CTNNA3: variants seen among roughly 807,000 people sequenced by gnomAD.
CTNNA3 encodes catenin alpha-3.
A neutral mutation model predicts 95.7 loss-of-function variants in CTNNA3; 76 were observed. The observed-to-expected ratio is 0.79, with a 90% CI of 0.66 to 0.96. CTNNA3 has a LOEUF of 0.96. CTNNA3 is among the 40% of genes least tolerant of loss of function. The pLI is 0.00. For synonymous variants in CTNNA3, 431 were observed against 374.4 expected (o/e 1.15, Z -1.74); for missense variants, 1,191 against 1,089.8 (o/e 1.09, Z -1.31).
intron 11 of CTNNA3, among the ~76,000 whole-genome samples, chr10:66,491,592 CT>C (rs771891607): frequency 6.6e-6 from 1 of 151,870 alleles, no homozygotes; most frequent in African/African-American, 2.4e-5. Context: ...ATATGAAGTC[CT>C]TTTTATTTCA....
chr10:67,347,832 GAA>G (rs71006142), intron 5 of CTNNA3, among the ~76,000 whole-genome samples: 126 of 133,900 alleles, frequency 9.4e-4, no homozygotes, highest in African/African-American at 3.3e-3. Context: ...GTGTTTTCCT[GAA>G]AAAAAAAAAA....
At chr10:66,232,788 A>G (rs2089649876) in intron 13 of CTNNA3, among the ~76,000 whole-genome samples, 1 of 152,192 alleles carries the variant, frequency 6.6e-6, no homozygotes, top group Non-Finnish European at 1.5e-5. Flanking sequence ...TTGATTTGAT[A>G]ATTGTTACTA....
intron 5 of CTNNA3, among the ~76,000 whole-genome samples, chr10:67,235,305 C>A (rs796405485): frequency 1.2e-3 from 177 of 143,794 alleles, no homozygotes; most frequent in Middle Eastern, 7.6e-3. Context: ...GGTACTGGTA[C>A]CAAAACAGAG....
intron 3 of CTNNA3, among the ~76,000 whole-genome samples, chr10:67,564,677 G>GTGTGTGTATA (rs1488656262): frequency 6.5e-5 from 4 of 61,310 alleles, no homozygotes; most frequent in Admixed American, 2.2e-4. Context: ...GTGTGTGTGT[G>GTGTGTGTATA]TATATATATA....
intron 7 of CTNNA3, among the ~76,000 whole-genome samples, chr10:67,145,573 C>T (rs541972436): frequency 9.9e-5 from 15 of 151,574 alleles, no homozygotes; most frequent in South Asian, 2.1e-4. Context: ...TGGGACTACA[C>T]GTGCACACCA....
intron 17 of CTNNA3, among the ~76,000 whole-genome samples, chr10:65,951,396 T>C (rs1006408254): frequency 6.6e-6 from 1 of 152,138 alleles, no homozygotes; most frequent in Non-Finnish European, 1.5e-5. Context: ...ACAGGTCTTA[T>C]AATTTGGGGT....
chr10:67,453,198 C>T (rs1847054297), intron 5 of CTNNA3, among the ~76,000 whole-genome samples: 1 of 152,098 alleles, frequency 6.6e-6, no homozygotes, highest in Non-Finnish European at 1.5e-5. Context: ...ATTGTATGGC[C>T]AGTGCTAACC....
rs538181216 is a variant in CTNNA3, at chr10:67,218,860, A to G, written c.843+747T>C. Among the ~76,000 whole-genome samples, 5 of 152,228 alleles carry G rather than the reference A, an allele frequency of 3.3e-5. No individual in the cohort carries two copies. In the South Asian group the frequency reaches 1.0e-3, roughly 32 times the overall value. ...AGTCTATGTTCCTTATGCAACTATC[A>G]TAGTCCTTTTAAGACACGAGTCGCA... On this transcript the variant is annotated intron_variant, in intron 6 of 17. Transcript: ENST00000433211.
chr10:66,910,502 T>C (rs896545197), intron 7 of CTNNA3, among the ~76,000 whole-genome samples: 8 of 152,070 alleles, frequency 5.3e-5, no homozygotes, highest in South Asian at 2.1e-4. Flanking sequence ...ACCTATAAGA[T>C]GGCATGGAAA....
At chr10:67,494,716 G>A (rs1038665218) in intron 5 of CTNNA3, among the ~76,000 whole-genome samples, 1 of 152,180 alleles carries the variant, frequency 6.6e-6, no homozygotes, top group Admixed American at 6.5e-5. Flanking sequence ...TAATTGGGCT[G>A]CCTCAGAAAG....
chr10:66,226,565 AT>A (rs980154098), intron 13 of CTNNA3, among the ~76,000 whole-genome samples: 52 of 138,456 alleles, frequency 3.8e-4, no homozygotes, highest in African/African-American at 1.3e-3. Flanking sequence ...AAATTTTAGG[AT>A]TTTTTTTCCT....
chr10:67,256,179 T>A (rs1261935834), intron 5 of CTNNA3, among the ~76,000 whole-genome samples: 1 of 152,086 alleles, frequency 6.6e-6, no homozygotes, highest in Non-Finnish European at 1.5e-5. Flanking sequence ...ATTAGGAAAA[T>A]ATTATTTGCC....
intron 13 of CTNNA3, among the ~76,000 whole-genome samples, chr10:66,266,763 G>C (rs2132117706): frequency 6.6e-6 from 1 of 152,014 alleles, no homozygotes; most frequent in South Asian, 2.1e-4. Context: ...AAAAACGCTT[G>C]TTCCAAATAC....
intron 13 of CTNNA3, among the ~76,000 whole-genome samples, chr10:66,156,143 G>C (rs1454891864): frequency 6.6e-6 from 1 of 151,850 alleles, no homozygotes; most frequent in East Asian, 1.9e-4. Context: ...CAGGCATCTT[G>C]GGACCCAAGG....
intron 14 of CTNNA3, among the ~76,000 whole-genome samples, chr10:66,087,907 CA>C (rs1422598972): frequency 6.6e-6 from 1 of 151,966 alleles, no homozygotes; most frequent in Non-Finnish European, 1.5e-5. Context: ...TAGCCTCTAT[CA>C]AAAGATAGAG....
chr10:67,306,495 T>C (rs10740274), intron 5 of CTNNA3, among the ~76,000 whole-genome samples: 46,204 of 152,046 alleles, frequency 0.3, 11,569 homozygotes, highest in African/African-American at 0.69. Flanking sequence ...AATGGTAACA[T>C]GTAGCTAAAG....
At chr10:66,585,916 T>G (rs1165302974) in intron 10 of CTNNA3, among the ~76,000 whole-genome samples, 1 of 152,124 alleles carries the variant, frequency 6.6e-6, no homozygotes, top group Non-Finnish European at 1.5e-5. Context: ...TTAAAATTAG[T>G]TTTTGATTCA....
chr10:66,157,965 T>G (rs185049967), intron 13 of CTNNA3, among the ~76,000 whole-genome samples: 6 of 152,268 alleles, frequency 3.9e-5, no homozygotes, highest in African/African-American at 1.4e-4. Context: ...TATCTTCTTT[T>G]GAGAATTGTC....
At chr10:67,481,374 A>C (rs2133053104) in intron 5 of CTNNA3, among the ~76,000 whole-genome samples, 1 of 152,324 alleles carries the variant, frequency 6.6e-6, no homozygotes, top group Admixed American at 6.5e-5. Context: ...TGTATCTAGA[A>C]AACCCTAAAG....
Sources: gnomAD v4.1 joint callset for allele counts (sites outside exome capture counted in the v4.1 genomes callset) on GRCh38, gnomAD v4.1.1 for gene constraint, MANE v1.5 for transcripts, NCBI Gene and HGNC (gene_info 2026-07-23, HGNC 2026-07-21) for gene names.